Variants in OLFM3 observed in about 807,000 individuals in gnomAD.
OLFM3 encodes noelin-3.
OLFM3 carries 20 observed loss-of-function variants against 48.6 expected under a neutral mutation model. The observed-to-expected ratio is 0.41, with a 90% CI of 0.29 to 0.60. The LOEUF (loss-of-function observed/expected upper bound fraction) is 0.60, where lower values mean the gene tolerates loss of function less well. Ranked by LOEUF, OLFM3 falls within the 20% of genes least tolerant of loss-of-function variation. The pLI is 0.28. For synonymous variants in OLFM3, 222 were observed against 198.1 expected, an observed-to-expected ratio of 1.12 and a Z score of -1.01; for missense variants, 437 against 544.3, an observed-to-expected ratio of 0.80 and a Z score of 1.96.
At chr1:101,899,471 C>G (rs1379886640) in intron 1 of OLFM3, among the ~76,000 whole-genome samples, 2 of 152,106 alleles carry the variant, frequency 1.3e-5, no homozygotes, top group Non-Finnish European at 2.9e-5. Flanking sequence ...ATATTCTATT[C>G]ATAAAAGGGA....
chr1:101,952,804 T>G (rs568875888), intron 1 of OLFM3, among the ~76,000 whole-genome samples: 68 of 151,820 alleles, frequency 4.5e-4, no homozygotes, highest in African/African-American at 1.4e-3. Context: ...CTGAGCTATC[T>G]TTTTTAAAAA....
chr1:101,899,706 T>C (rs1280678407), intron 1 of OLFM3, among the ~76,000 whole-genome samples: 1 of 152,136 alleles, frequency 6.6e-6, no homozygotes, highest in African/African-American at 2.4e-5. Flanking sequence ...AACATTCTTA[T>C]GTAAGAATAA....
chr1:101,859,937 T>C (rs545279617), intron 1 of OLFM3: 2 of 151,976 alleles, frequency 1.3e-5, no homozygotes, highest in Non-Finnish European at 2.9e-5. Flanking sequence ...GGGGATACAG[T>C]CTGAGATTTT....
At chr1:101,982,966 G>T (rs867417620) in intron 1 of OLFM3, among the ~76,000 whole-genome samples, 18 of 152,044 alleles carry the variant, frequency 1.2e-4, no homozygotes, top group Middle Eastern at 3.4e-3. Context: ...GGAGAACCTC[G>T]AATAGTACAA....
At chr1:101,950,343 C>T (rs142629530) in intron 1 of OLFM3, among the ~76,000 whole-genome samples, 12 of 152,232 alleles carry the variant, frequency 7.9e-5, no homozygotes, top group Non-Finnish European at 1.0e-4. Context: ...GTATAAAATA[C>T]GCAGACCAGC....
chr1:101,813,344 A>AG (rs1654163523), intron 4 of OLFM3, among the ~76,000 whole-genome samples: 1 of 152,176 alleles, frequency 6.6e-6, no homozygotes, highest in South Asian at 2.1e-4. Context: ...ATGTTTAGCC[A>AG]TATTTGCCTC....
chr1:101,929,443 C>A (rs939112487), intron 1 of OLFM3, among the ~76,000 whole-genome samples: 1 of 152,056 alleles, frequency 6.6e-6, no homozygotes. Context: ...GGACTCAGCT[C>A]TTGGTGGAAG....
chr1:101,874,504 T>TTATTAG (rs1278893712), intron 1 of OLFM3, among the ~76,000 whole-genome samples: 1 of 151,364 alleles, frequency 6.6e-6, no homozygotes, highest in Non-Finnish European at 1.5e-5. Flanking sequence ...ATAATAATAA[T>TTATTAG]AATAGTAACA....
chr1:101,963,751 C>A (rs1660531788), intron 1 of OLFM3, among the ~76,000 whole-genome samples: 2 of 152,070 alleles, frequency 1.3e-5, no homozygotes, highest in African/African-American at 4.8e-5. Context: ...TACATTCAAC[C>A]CTTTAATAAA....
At chr1:101,979,016 T>G (rs1291438495) in intron 1 of OLFM3, among the ~76,000 whole-genome samples, 1 of 152,204 alleles carries the variant, frequency 6.6e-6, no homozygotes, top group Non-Finnish European at 1.5e-5. Flanking sequence ...ACGTAGTATA[T>G]TGAAATTAAA....
At chr1:101,832,481 C>T (rs980601628) in intron 2 of OLFM3, among the ~76,000 whole-genome samples, 2 of 152,194 alleles carry the variant, frequency 1.3e-5, no homozygotes, top group Non-Finnish European at 2.9e-5. Flanking sequence ...GATCCATCAT[C>T]TTGCCCTTTT....
At chr1:101,846,882 C>A in intron 1 of OLFM3, 1 of 1,612,732 alleles carries the variant, frequency 6.2e-7, no homozygotes, top group African/African-American at 1.3e-5. Context: ...GGTGTTCAGT[C>A]CCACCAAGGA....
chr1:101,804,273 G>A lies in OLFM3; in HGVS notation c.1342C>T (p.Leu448Phe). 3 of 1,606,136 alleles carry A rather than the reference G, an allele frequency of 1.9e-6. No homozygotes were observed. The highest frequency in any genetic ancestry group is 2.6e-6 in the Non-Finnish European group (3 of 1,176,024). The stretch of plus-strand genomic sequence containing the variant: ...TCCTCTGTCTTGATGATATGGAAAA[G>A]GGTGACATTGAACAGCACCTGGTGG... ...NGHQVLFNVT[L>F]FHIIKTEDDT The change falls in exon 6 of 6, where the codon CTT becomes TTT. Residue 448 changes from leucine to phenylalanine, a missense_variant. Leu to Phe is a conservative substitution (Grantham distance 22). This residue lies in a region of OLFM3 where 108 missense variants were observed against 135.8 expected (regional missense o/e 0.80). Coordinates refer to ENST00000370103, the MANE Select transcript of OLFM3 (RefSeq NM_058170.4). The surrounding 1 kb of genome is among the most constrained non-coding windows in gnomAD (Gnocchi z 4.5).
chr1:101,830,118 G>A lies in OLFM3; in HGVS notation c.372+554C>T, dbSNP rs189260892. Among the ~76,000 whole-genome samples the A allele has an allele frequency of 6.2e-4, 94 of 152,212 alleles. 1 individual carries two copies. In the Middle Eastern group the frequency reaches 0.017, roughly 28 times the overall value. On this transcript the variant is annotated intron_variant, in intron 3 of 5. Coordinates refer to ENST00000370103, the MANE Select transcript of OLFM3 (RefSeq NM_058170.4). ...CTCCCAAAGTGCTAGGATTACAGGCGTGAGCCACCACGCCCGGCCGAGTTT... is the reference window on the plus strand; with the variant it reads ...CTCCCAAAGTGCTAGGATTACAGGCATGAGCCACCACGCCCGGCCGAGTTT...
rs192746604 is a variant in OLFM3, at chr1:101,895,537, A to G, written c.70-58512T>C. ...AATTTTATATTAATCCTGTACATTA[A>G]TGAGAGCTTTTAACAATTTCCTTTT... On this transcript the variant is annotated intron_variant, in intron 1 of 5. Coordinates refer to ENST00000370103, the MANE Select transcript of OLFM3 (RefSeq NM_058170.4). 4.6e-5 allele frequency among the ~76,000 whole-genome samples: 7 copies of G among 152,172 alleles called. No individual in the cohort carries two copies. In the East Asian group the frequency reaches 1.4e-3, roughly 29 times the overall value.
intron 1 of OLFM3, among the ~76,000 whole-genome samples, chr1:101,903,706 C>G (rs1409395855): frequency 6.6e-6 from 1 of 152,016 alleles, no homozygotes; most frequent in Non-Finnish European, 1.5e-5. Flanking sequence ...GAAAAACAAT[C>G]CTTGAAACCA....
intron 4 of OLFM3, chr1:101,812,794 T>TTAGTTGA: frequency 2.0e-6 from 2 of 989,462 alleles, no homozygotes; most frequent in Non-Finnish European, 2.4e-6. Flanking sequence ...GGTAAAGTGG[T>TTAGTTGA]CTTTTGGCTA....
chr1:101,944,466 C>A (rs1266821482), intron 1 of OLFM3, among the ~76,000 whole-genome samples: 1 of 152,124 alleles, frequency 6.6e-6, no homozygotes. Flanking sequence ...GGGCTTAACT[C>A]CTGGAGAAAA....
chr1:101,903,368 C>T (rs1246376519), intron 1 of OLFM3, among the ~76,000 whole-genome samples: 2 of 152,010 alleles, frequency 1.3e-5, no homozygotes, highest in Non-Finnish European at 2.9e-5. Flanking sequence ...AAACTGATGA[C>T]ACTAGGATAA....
Sources: allele counts gnomAD v4.1 joint callset (sites outside exome capture counted in the v4.1 genomes callset), GRCh38; gene constraint gnomAD v4.1.1; regional missense constraint gnomAD v4.1.1; non-coding constraint Gnocchi (gnomAD v3.1); transcripts MANE v1.5; gene names NCBI Gene and HGNC (gene_info 2026-07-23, HGNC 2026-07-21).